Variants in SCTR observed in about 807,000 individuals in gnomAD.
SCTR encodes the protein pancreatic secretin receptor.
SCTR carries 56 observed loss-of-function variants against 60.8 expected under a neutral mutation model. The observed-to-expected ratio is 0.92, with a 90% confidence interval of 0.74 to 1.15. SCTR has a LOEUF of 1.15. SCTR is among the 50% of genes most tolerant of loss of function. The pLI is 0.00. For synonymous variants in SCTR, 202 were observed against 217.0 expected, an observed-to-expected ratio of 0.93 and a Z score of 0.61; for missense variants, 562 against 550.4, an observed-to-expected ratio of 1.02 and a Z score of -0.21.
intron 4 of SCTR, among the ~76,000 whole-genome samples, chr2:119,469,904 T>C (rs1264563667): frequency 6.6e-6 from 1 of 152,220 alleles, no homozygotes; most frequent in African/African-American, 2.4e-5. Context: ...TGCTGTATGT[T>C]CTGACTGTAC....
At chr2:119,453,203 G>T in intron 8 of SCTR, 84 bp downstream of exon 8, 1 of 1,077,060 alleles carries the variant, frequency 9.3e-7, no homozygotes, top group Non-Finnish European at 1.4e-6. Context: ...GCCTTTCCTA[G>T]ATAGCTCCAA....
chr2:119,467,108 GGTGGCTCACACCTATAATCCCT>G (rs1558850999), intron 4 of SCTR, among the ~76,000 whole-genome samples: 1 of 152,160 alleles, frequency 6.6e-6, no homozygotes, highest in Non-Finnish European at 1.5e-5. Flanking sequence ...GGCCAGGCAT[GGTGGCTCACACCTATAATCCCT>G]GCACTTTAGG....
At chr2:119,449,151 C>G (rs1360985184) in intron 9 of SCTR, among the ~76,000 whole-genome samples, 1 of 152,208 alleles carries the variant, frequency 6.6e-6, no homozygotes, top group Non-Finnish European at 1.5e-5. Context: ...AATACAATGC[C>G]AAAGCTGAAA....
At chr2:119,467,215 C>T (rs773257394) in intron 4 of SCTR, among the ~76,000 whole-genome samples, 42 of 151,524 alleles carry the variant, frequency 2.8e-4, no homozygotes, top group Non-Finnish European at 5.2e-4. Flanking sequence ...CCTGTCTCTA[C>T]CAAAAATACA....
chr2:119,465,969 G>A lies in SCTR; in HGVS notation c.406-83C>T, dbSNP rs535399565. 6 of 941,474 alleles carry A rather than the reference G, an allele frequency of 6.4e-6. No individual in the cohort carries two copies. The Admixed American group carries it at 1.1e-4, about 17-fold the overall frequency. 58.3% of individuals were successfully genotyped at this position (941,474 alleles called of 1,614,324 possible). A position where few individuals can be genotyped will look rare whatever the true frequency, so the allele number is the denominator to read the frequency against. On this transcript the variant is annotated intron_variant, in intron 4 of 12. Coordinates refer to ENST00000019103, the MANE Select transcript of SCTR (RefSeq NM_002980.3). ...TGCCTCACTGCATCCGCTTCAGGCA[G>A]CTTGAACCCACCGACGCTGCTATTC...
chr2:119,476,431 A>G (rs1383797640), intron 3 of SCTR: 1 of 152,208 alleles, frequency 6.6e-6, no homozygotes, highest in African/African-American at 2.4e-5. Flanking sequence ...TGGCGGCGAG[A>G]AGAAACTGCA....
At chr2:119,519,817 AAAAAAAAAAAGAAAAAAAG>A (rs1180245003) in intron 1 of SCTR, among the ~76,000 whole-genome samples, 35 of 123,732 alleles carry the variant, frequency 2.8e-4, no homozygotes, top group African/African-American at 9.5e-4. Flanking sequence ...TCTCAAAAAA[AAAAAAAAAAAGAAAAAAAG>A]AAAAGAAAAA....
intron 9 of SCTR, among the ~76,000 whole-genome samples, chr2:119,449,462 G>C (rs1215951399): frequency 6.6e-6 from 1 of 152,078 alleles, no homozygotes; most frequent in Non-Finnish European, 1.5e-5. Context: ...ATCTTAAAAG[G>C]TCAAATGCAT....
chr2:119,488,238 G>A (rs141290061), intron 2 of SCTR, among the ~76,000 whole-genome samples: 1,712 of 152,336 alleles, frequency 0.011, 10 homozygotes, highest in Admixed American at 0.02. Context: ...TGTGATGGGT[G>A]GGGGGCCAGC....
intron 1 of SCTR, among the ~76,000 whole-genome samples, chr2:119,505,208 C>T (rs1278564837): frequency 6.6e-6 from 1 of 151,670 alleles, no homozygotes; most frequent in Non-Finnish European, 1.5e-5. Flanking sequence ...ATAAATCATG[C>T]TGCTATAAAG....
At chr2:119,459,001 G>A (rs187274184) in intron 7 of SCTR, among the ~76,000 whole-genome samples, 72 of 152,258 alleles carry the variant, frequency 4.7e-4, no homozygotes, top group Admixed American at 4.1e-3. Flanking sequence ...CACCTCAGCC[G>A]CTCTGAAAAA....
rs1424993120 is a variant in SCTR at position 119,439,953 on chromosome 2, A to G, written c.*164T>C. ...ATCCCAGGCCCTTGTCCTGCCCCAC[A>G]GTGCCTCACATCCCTTCGGAAGAGT... On this transcript the variant is annotated 3_prime_UTR_variant, in exon 13 of 13. Transcript: ENST00000019103. The G allele has an allele frequency of 5.8e-6, 4 of 684,902 alleles. No homozygotes were observed. Among genetic ancestry groups the G allele is most frequent in the Non-Finnish European group, 9.5e-6 (4 of 421,896 alleles). 42.4% of individuals were successfully genotyped at this position (684,902 alleles called of 1,614,324 possible).
chr2:119,516,265 C>T (rs911691839), intron 1 of SCTR, among the ~76,000 whole-genome samples: 1 of 152,278 alleles, frequency 6.6e-6, no homozygotes, highest in Admixed American at 6.5e-5. Flanking sequence ...GTACCTGTGC[C>T]CCCATGCTCA....
intron 3 of SCTR, among the ~76,000 whole-genome samples, chr2:119,475,670 ATATTTG>A (rs1198986835): frequency 2.7e-5 from 4 of 147,386 alleles, no homozygotes; most frequent in Non-Finnish European, 6.0e-5. Flanking sequence ...ATTTATATTT[ATATTTG>A]TATTATATTA....
intron 2 of SCTR, among the ~76,000 whole-genome samples, chr2:119,482,482 C>CA (rs1677666201): frequency 6.6e-6 from 1 of 152,190 alleles, no homozygotes; most frequent in South Asian, 2.1e-4. Flanking sequence ...GCGGAGCTTT[C>CA]ACAGGACAGT....
intron 1 of SCTR, among the ~76,000 whole-genome samples, chr2:119,508,383 C>CTTTTTTTTTTTTTTT (rs34070844): frequency 3.5e-4 from 27 of 77,412 alleles, no homozygotes; most frequent in Non-Finnish European, 3.9e-4. Flanking sequence ...TCTTCTTCTT[C>CTTTTTTTTTTTTTTT]TTTTTTTTTT....
intron 6 of SCTR, 73 bp downstream of exon 6, chr2:119,464,047 GCTA>G (rs1683721612): frequency 6.7e-7 from 1 of 1,497,460 alleles, no homozygotes; most frequent in Non-Finnish European, 9.3e-7. Flanking sequence ...GGACAACTAG[GCTA>G]CTCCCCTCTC....
intron 10 of SCTR, among the ~76,000 whole-genome samples, chr2:119,447,911 T>G (rs1411959326): frequency 6.6e-6 from 1 of 152,188 alleles, no homozygotes; most frequent in East Asian, 1.9e-4. Flanking sequence ...CTGAATTATG[T>G]CCACACCCAC....
chr2:119,508,225 A>T (rs1396671396), intron 1 of SCTR, among the ~76,000 whole-genome samples: 3 of 152,094 alleles, frequency 2.0e-5, no homozygotes, highest in African/African-American at 7.2e-5. Flanking sequence ...ACCATATTCA[A>T]CCATGGGGAT....
Sources: gnomAD v4.1 joint callset for allele counts (sites outside exome capture counted in the v4.1 genomes callset) on GRCh38, gnomAD v4.1.1 for gene constraint, MANE v1.5 for transcripts, NCBI Gene and HGNC (gene_info 2026-07-23, HGNC 2026-07-21) for gene names.